SLC14A2: variants seen among roughly 807,000 people sequenced by gnomAD.
SLC14A2 encodes the protein solute carrier family 14 member 2.
SLC14A2 carries 91 observed loss-of-function variants against 104.6 expected under a neutral mutation model. That is an observed-to-expected ratio of 0.87 (90% CI 0.73 to 1.04). SLC14A2 has a LOEUF of 1.04. Ranked by LOEUF, SLC14A2 falls within the 50% of genes least tolerant of loss-of-function variation. The probability of loss-of-function intolerance (pLI) is 0.00; values close to 1 mark genes in which losing one functional copy is unlikely to be tolerated. For missense variants in SLC14A2, 1,189 were observed against 1,156.0 expected, an observed-to-expected ratio of 1.03 and a Z score of -0.41; for synonymous variants, 476 against 466.4, an observed-to-expected ratio of 1.02 and a Z score of -0.27.
intron 1 of SLC14A2, among the ~76,000 whole-genome samples, chr18:45,474,615 T>G (rs1016764813): frequency 6.6e-6 from 1 of 152,216 alleles, no homozygotes; most frequent in Non-Finnish European, 1.5e-5. Flanking sequence ...GGAGGGTGTA[T>G]GTGTCCAGGA....
At chr18:45,626,278 T>C (rs2045256123) in intron 3 of SLC14A2, among the ~76,000 whole-genome samples, 1 of 152,186 alleles carries the variant, frequency 6.6e-6, no homozygotes, top group Non-Finnish European at 1.5e-5. Flanking sequence ...AAAATATTGG[T>C]ATCATCCTTC....
chr18:45,589,587 T>C (rs1055862308), intron 2 of SLC14A2, among the ~76,000 whole-genome samples: 6 of 152,174 alleles, frequency 3.9e-5, no homozygotes. Context: ...CAAAGATTCA[T>C]AGTCATTCCG....
At chr18:45,376,184 G>A (rs12970998) in intron 1 of SLC14A2, among the ~76,000 whole-genome samples, 2 of 152,114 alleles carry the variant, frequency 1.3e-5, no homozygotes, top group East Asian at 1.9e-4. Context: ...TCAATTAATA[G>A]CATCTCTTCC....
At chr18:45,300,210 C>T (rs995071515) in intron 1 of SLC14A2, among the ~76,000 whole-genome samples, 3 of 152,184 alleles carry the variant, frequency 2.0e-5, no homozygotes. Context: ...GTTGAGCCCT[C>T]TCTGAGGGGC....
chr18:45,261,006 ATTCTC>A (rs2084530282), intron 1 of SLC14A2, among the ~76,000 whole-genome samples: 1 of 151,654 alleles, frequency 6.6e-6, no homozygotes, highest in African/African-American at 2.4e-5. Flanking sequence ...TTTATTTTCT[ATTCTC>A]TTAATTTCTT....
intron 1 of SLC14A2, among the ~76,000 whole-genome samples, chr18:45,280,266 C>G (rs2084748590): frequency 6.6e-6 from 1 of 152,102 alleles, no homozygotes; most frequent in Non-Finnish European, 1.5e-5. Flanking sequence ...ATGTGCACAA[C>G]AGGAATCACA....
At chr18:45,286,320 A>T (rs1641438680) in intron 1 of SLC14A2, among the ~76,000 whole-genome samples, 1 of 152,200 alleles carries the variant, frequency 6.6e-6, no homozygotes, top group African/African-American at 2.4e-5. Flanking sequence ...GCAATGTGTC[A>T]AATGTAGTCT....
At chr18:45,253,235 T>C (rs547976661) in intron 1 of SLC14A2, among the ~76,000 whole-genome samples, 26 of 152,178 alleles carry the variant, frequency 1.7e-4, no homozygotes, top group Non-Finnish European at 2.8e-4. Context: ...GGCTGGAGGG[T>C]AACACTTTGA....
chr18:45,623,793 A>ACTG (rs1191006175), intron 1 of SLC14A2, among the ~76,000 whole-genome samples: 2 of 152,122 alleles, frequency 1.3e-5, no homozygotes, highest in Non-Finnish European at 2.9e-5. Context: ...GCAATGGGGA[A>ACTG]AGCTCTAGGT....
chr18:45,476,338 C>G (rs1002603288), intron 1 of SLC14A2, among the ~76,000 whole-genome samples: 1 of 152,186 alleles, frequency 6.6e-6, no homozygotes, highest in Non-Finnish European at 1.5e-5. Context: ...AAGGTTTCTG[C>G]AGAGAGATCT....
At chr18:45,448,049 T>C (rs2086798191) in intron 1 of SLC14A2, among the ~76,000 whole-genome samples, 1 of 152,274 alleles carries the variant, frequency 6.6e-6, no homozygotes, top group Non-Finnish European at 1.5e-5. Context: ...AGTGTGTTAA[T>C]AGATTATCCA....
At chr18:45,194,772 AG>A in the SLC14A2 span, among the ~76,000 whole-genome samples, 1 of 149,674 alleles carries the variant, frequency 6.7e-6, no homozygotes, top group African/African-American at 2.5e-5. Flanking sequence ...CAGCCTCCCG[AG>A]TAGCTGGGAC....
Position 45,537,983 on chromosome 18 carries a change from T to C in SLC14A2, c.-35+54661T>C, listed in dbSNP as rs74487421. On this transcript the variant is annotated intron_variant, in intron 2 of 20. Transcript: ENST00000586448. The stretch of plus-strand genomic sequence containing the variant: ...GTAGGAGTCATTTATCACTGCATAA[T>C]ACATTACTCCCAGACTTAGAAACCT... Among the ~76,000 whole-genome samples, 1,184 of 152,192 alleles carry C rather than the reference T, an allele frequency of 7.8e-3. 7 individuals carry two copies. The highest frequency in any genetic ancestry group is 0.012 in the Non-Finnish European group (802 of 67,924).
chr18:45,669,330 TA>T lies in SLC14A2; in HGVS notation c.2062del (p.Thr688ProfsTer19). 1 of 1,613,720 alleles carries T rather than the reference TA, an allele frequency of 6.2e-7. No individual in the cohort carries two copies. The highest frequency in any genetic ancestry group is 8.5e-7 in the Non-Finnish European group (1 of 1,179,766). ...GCCCCATCCTCTCCAGTGCCCTGGG[TA>T]CCATCTTCAGCAAGTGGGACCTCCC... ...SCPILSSALGTIFSKWDLPVF... is the reference protein window; with the variant it reads ...SCPILSSALGXIFSKWDLPVF... On this transcript the variant is annotated frameshift_variant, in exon 16 of 20. Transcript: ENST00000255226. LOFTEE classifies it high-confidence loss of function.
intron 1 of SLC14A2, among the ~76,000 whole-genome samples, chr18:45,252,633 G>A (rs1226650497): frequency 6.6e-6 from 1 of 152,134 alleles, no homozygotes; most frequent in Non-Finnish European, 1.5e-5. Flanking sequence ...GGAGCTGTCT[G>A]CTGACTCACA....
chr18:45,584,828 G>A lies in SLC14A2; in HGVS notation c.-34-39803G>A, dbSNP rs145265683. 2.8e-4 allele frequency among the ~76,000 whole-genome samples: 42 copies of A among 152,274 alleles called. 1 individual carries two copies. The East Asian group carries it at 6.4e-3, about 23-fold the overall frequency. The stretch of plus-strand genomic sequence containing the variant: ...CAGGTTTCTGAATATAGAACGAAGT[G>A]ATGTTTATGAAAATGCTGTGAAAAA... On this transcript the variant is annotated intron_variant, in intron 2 of 20. Transcript: ENST00000586448.
At position 45,652,252 on chromosome 18, in the gene SLC14A2, C is replaced by CT. The variant is rs570750609; in HGVS notation, c.1351+8099dup. On this transcript the variant is annotated intron_variant, in intron 10 of 19. Coordinates refer to ENST00000255226, the MANE Select transcript of SLC14A2 (RefSeq NM_007163.4). ...AAAGGCATTCACATTTTATGTGAGA[C>CT]TTTTTTTACTTGCCTGGTTTTTCCT... Among the ~76,000 whole-genome samples the CT allele has an allele frequency of 1.3e-3, 193 of 152,272 alleles. 1 individual carries two copies. The highest frequency in any genetic ancestry group is 2.4e-3 in the Non-Finnish European group (160 of 68,020).
chr18:45,665,707 T>C (rs2046010225), intron 11 of SLC14A2, among the ~76,000 whole-genome samples: 1 of 143,020 alleles, frequency 7.0e-6, no homozygotes, highest in Non-Finnish European at 1.5e-5. Flanking sequence ...TTTTTTTTTT[T>C]TTTTTTTTTG....
chr18:45,254,405 C>A (rs1189166580), intron 1 of SLC14A2, among the ~76,000 whole-genome samples: 2 of 152,184 alleles, frequency 1.3e-5, no homozygotes, highest in Non-Finnish European at 2.9e-5. Context: ...AGCAAGTGAG[C>A]TAACATATTA....
Sources: gnomAD v4.1 joint callset for allele counts (sites outside exome capture counted in the v4.1 genomes callset) on GRCh38, gnomAD v4.1.1 for gene constraint, MANE v1.5 for transcripts, NCBI Gene and HGNC (gene_info 2026-07-23, HGNC 2026-07-21) for gene names.